MDN1: variants seen among roughly 807,000 people sequenced by gnomAD.
MDN1 encodes the protein midasin.
Under a neutral mutation model 669.2 loss-of-function variants are expected in MDN1, and 266 were observed. The observed-to-expected ratio is 0.40, with a 90% CI of 0.36 to 0.44. The LOEUF is 0.44. Ranked by LOEUF, MDN1 falls within the 20% of genes least tolerant of loss-of-function variation. The probability of loss-of-function intolerance (pLI) is 1.00; values close to 1 mark genes in which losing one functional copy is unlikely to be tolerated. For synonymous variants in MDN1, 2,385 were observed against 2,457.1 expected (o/e 0.97, Z 0.87); for missense variants, 5,940 against 6,754.0 (o/e 0.88, Z 4.22).
At chr6:89,816,775 C>T (rs1017762385) in intron 1 of MDN1, among the ~76,000 whole-genome samples, 3 of 150,918 alleles carry the variant, frequency 2.0e-5, no homozygotes, top group Non-Finnish European at 4.4e-5. Context: ...CCCGGGTTCA[C>T]GCCATTCTCC....
intron 15 of MDN1, among the ~76,000 whole-genome samples, chr6:89,763,278 G>C (rs1264827144): frequency 6.7e-6 from 1 of 149,002 alleles, no homozygotes; most frequent in East Asian, 1.9e-4. Flanking sequence ...CGAAGAGTAG[G>C]AGAGAGCAAC....
At chr6:89,700,976 A>T (rs1272853631) in intron 55 of MDN1, 120 bp from the exon 56 acceptor site, 2 of 887,398 alleles carry the variant, frequency 2.3e-6, no homozygotes, top group Non-Finnish European at 3.4e-6. Flanking sequence ...AAAACAAAGG[A>T]CTTGTTTATT....
At chr6:89,758,695 G>C in intron 18 of MDN1, 121 bp downstream of exon 18, 1 of 1,076,698 alleles carries the variant, frequency 9.3e-7, no homozygotes, top group Non-Finnish European at 1.3e-6. Flanking sequence ...AATATCTAAA[G>C]AATGAACAAA....
intron 15 of MDN1, among the ~76,000 whole-genome samples, chr6:89,765,016 G>C (rs533952944): frequency 6.6e-6 from 1 of 152,264 alleles, no homozygotes; most frequent in Non-Finnish European, 1.5e-5. Flanking sequence ...CAGCACTTTG[G>C]GAGGCAGAGG....
intron 74 of MDN1, among the ~76,000 whole-genome samples, chr6:89,679,477 G>C (rs1413139779): frequency 3.9e-5 from 6 of 152,190 alleles, no homozygotes; most frequent in Admixed American, 3.9e-4. Context: ...CCAACCCCTA[G>C]AACTTCAGAA....
At chr6:89,658,424 G>A in intron 89 of MDN1, 54 bp from the exon 90 acceptor site, 1 of 1,605,714 alleles carries the variant, frequency 6.2e-7, no homozygotes, top group Non-Finnish European at 8.5e-7. Context: ...ACAGCATAAG[G>A]TGGGAGACCT....
chr6:89,741,044 C>T (rs1002021540), intron 31 of MDN1, among the ~76,000 whole-genome samples: 11 of 103,024 alleles, frequency 1.1e-4, no homozygotes, highest in Non-Finnish European at 2.1e-4. Flanking sequence ...CCAACCTGGC[C>T]AAGATGGTGA....
chr6:89,657,790 G>C (rs1296280972), intron 90 of MDN1, among the ~76,000 whole-genome samples: 1 of 152,196 alleles, frequency 6.6e-6, no homozygotes, highest in Non-Finnish European at 1.5e-5. Flanking sequence ...ATGTGCACTG[G>C]TGGTCCTGTA....
At position 89,658,828 on chromosome 6, in the gene MDN1, T is replaced by G. The variant is rs1225314196; in HGVS notation, c.14803A>C (p.Ser4935Arg). ...RGETETDQNESQSPQEPEEGP... is the reference protein window; with the variant it reads ...RGETETDQNERQSPQEPEEGP... ...TCCTCAGGCTCCTGTGGACTCTGAC[T>G]TTCGTTCTGGTCGGTCTCGGTCTCT... is the stretch of plus-strand genomic sequence containing the variant. Residue 4935 changes from serine to arginine, a missense_variant, in exon 89 of 102, where the codon AGT becomes CGT. By Grantham distance (110) the Ser-to-Arg change is moderately radical. Transcript: ENST00000369393. 6.2e-7 allele frequency: 1 copy of G among 1,614,224 alleles called. No individual in the cohort carries two copies. The highest frequency in any genetic ancestry group is 1.7e-5 in the Admixed American group (1 of 60,022).
chr6:89,730,054 A>C (rs1053341603), intron 35 of MDN1, among the ~76,000 whole-genome samples: 3 of 152,084 alleles, frequency 2.0e-5, no homozygotes, highest in African/African-American at 7.2e-5. Flanking sequence ...GAAACAGATG[A>C]CTCTGCTACA....
At chr6:89,768,414 C>A (rs962448294) in intron 15 of MDN1, among the ~76,000 whole-genome samples, 1 of 152,188 alleles carries the variant, frequency 6.6e-6, no homozygotes, top group Non-Finnish European at 1.5e-5. Flanking sequence ...TTTGCTCCTC[C>A]TTGTCTTGTG....
At position 89,700,028 on chromosome 6, in the gene MDN1, T is replaced by C. The variant is rs754893688; in HGVS notation, c.8870+35A>G. ...TACACAGAATAATCAAGAAAAAAAGTTCCCGCAAGGAAAACAACTGAAAGC... is the reference window on the plus strand; with the variant it reads ...TACACAGAATAATCAAGAAAAAAAGCTCCCGCAAGGAAAACAACTGAAAGC... On this transcript the variant is annotated intron_variant, in intron 57 of 101. Transcript: ENST00000369393. 28 of 1,589,026 alleles carry C rather than the reference T, an allele frequency of 1.8e-5. No individual in the cohort carries two copies. In the South Asian group the frequency reaches 3.1e-4, roughly 18 times the overall value.
Position 89,672,575 on chromosome 6 carries a change from A to G in MDN1, c.13602T>C (p.Thr4534=), listed in dbSNP as rs780704137. 9.9e-6 allele frequency: 16 copies of G among 1,613,864 alleles called. No individual in the cohort carries two copies. Among genetic ancestry groups the G allele is most frequent in the Non-Finnish European group, 1.3e-5 (15 of 1,179,968 alleles). ...ERKNEKAEEN[T]DQASPQEDYA... is the part of the protein sequence containing the mutation. Reference sequence around the variant, plus strand: ...AATCTTCTTGTGGGCTTGCTTGGTCAGTGTTCTCCTCTGCTTTTTCATTCT... The same window carrying G: ...AATCTTCTTGTGGGCTTGCTTGGTCGGTGTTCTCCTCTGCTTTTTCATTCT... The change falls in exon 81 of 102, where the codon ACT becomes ACC. Residue 4534 remains threonine, a synonymous_variant. Transcript: ENST00000369393.
rs1483498705 is a variant in MDN1 at position 89,756,377 on chromosome 6, A to G, written c.2716T>C (p.Tyr906His). The G allele has an allele frequency of 1.3e-6, 2 of 1,557,604 alleles. No homozygotes were observed. The highest frequency in any genetic ancestry group is 8.8e-7 in the Non-Finnish European group (1 of 1,137,854). Residue 906 changes from tyrosine to histidine, a missense_variant, in exon 20 of 102, where the codon TAT becomes CAT. Physicochemically the swap from Tyr to His is moderately conservative, Grantham distance 83. Coordinates refer to ENST00000369393, the MANE Select transcript of MDN1 (RefSeq NM_014611.3). ...TCTTTGCTTTCTAATTCTTCTACAT[A>G]AAGTTCTGTGAACCTGTAAAACAAT... ...PGIRNRFTEL[Y>H]VEELESKEDL...
In MDN1 at chr6:89,692,766, G is replaced by C. The variant is rs752172776; in HGVS notation, c.10264C>G (p.Leu3422Val). ...RLVASELHTS[L>V]HSSMVGADRL... ...TCTGCACCAACCATACTGCTGTGGA[G>C]TGAGGTGTGGAGCTCAGAGGCCACC... Residue 3422 changes from leucine to valine, a missense_variant, in exon 63 of 102, where the codon CTC (leucine) becomes GTC (valine). Transcript: ENST00000369393. 3 of 1,614,072 alleles carry C rather than the reference G, an allele frequency of 1.9e-6. No homozygotes were observed. Among genetic ancestry groups the C allele is most frequent in the Admixed American group, 3.3e-5 (2 of 60,022 alleles).
At position 89,673,397 on chromosome 6, in the gene MDN1, C is replaced by T; in HGVS notation, c.13313G>A (p.Gly4438Asp). 1 of 1,614,156 alleles carries T rather than the reference C, an allele frequency of 6.2e-7. No homozygotes were observed. The highest frequency in any genetic ancestry group is 8.5e-7 in the Non-Finnish European group (1 of 1,180,022). Reference protein sequence around the residue: ...CLSQVSVHLQGLESLFILPGM... With the variant: ...CLSQVSVHLQDLESLFILPGM... Reference sequence around the variant, plus strand: ...TGGAAGAATGAACAAGGACTCTAGGCCCTGCAAATGAACTGACACCTGGGA... The same window carrying T: ...TGGAAGAATGAACAAGGACTCTAGGTCCTGCAAATGAACTGACACCTGGGA... Residue 4438 changes from glycine (G) to aspartate (D), a missense_variant, in exon 80 of 102, where the codon GGC becomes GAC. Around this residue, in one of 5 missense-constraint regions of MDN1, gnomAD observed 2,280 missense variants for 2,576.3 expected, o/e 0.88. Coordinates refer to ENST00000369393, the MANE Select transcript of MDN1 (RefSeq NM_014611.3).
At position 89,713,279 on chromosome 6, in the gene MDN1, C is replaced by T. The variant is rs752902220; in HGVS notation, c.7087G>A (p.Val2363Ile). 6.8e-6 allele frequency: 11 copies of T among 1,612,118 alleles called. No individual in the cohort carries two copies. The highest frequency in any genetic ancestry group is 3.3e-5 in the South Asian group (3 of 90,914). ...STVVGSPTSS[V>I]STLIQTAILI... is the part of the protein sequence containing the mutation. Reference sequence around the variant, plus strand: ...ATGGCTGTCTGGATTAGAGTTGATACAGAAGATGTTGGAGAACCTATTAAA... The same window carrying T: ...ATGGCTGTCTGGATTAGAGTTGATATAGAAGATGTTGGAGAACCTATTAAA... The change falls in exon 47 of 102, where the codon GTA becomes ATA. Residue 2363 changes from valine (V) to isoleucine (I), a missense_variant. By Grantham distance (29) the Val-to-Ile change is conservative. Coordinates refer to ENST00000369393, the MANE Select transcript of MDN1 (RefSeq NM_014611.3).
Position 89,658,849 on chromosome 6 carries a change from T to A in MDN1, c.14782A>T (p.Thr4928Ser), listed in dbSNP as rs1481873198. 6 of 1,614,246 alleles carry A rather than the reference T, an allele frequency of 3.7e-6. No homozygotes were observed. The highest frequency in any genetic ancestry group is 4.2e-6 in the Non-Finnish European group (5 of 1,180,046). Residue 4928 changes from threonine (T) to serine (S), a missense_variant, in exon 89 of 102, where the codon ACC becomes TCC. By Grantham distance (58) the Thr-to-Ser change is moderately conservative (BLOSUM62 1). Coordinates refer to ENST00000369393, the MANE Select transcript of MDN1 (RefSeq NM_014611.3). ...TGACTTTCGTTCTGGTCGGTCTCGG[T>A]CTCTCCTCTTTCCTCAGCTTCATGA... is the stretch of plus-strand genomic sequence containing the variant. ...AGHEAEERGETETDQNESQSP... is the reference protein window; with the variant it reads ...AGHEAEERGESETDQNESQSP...
chr6:89,716,073 C>A (rs189958272), intron 44 of MDN1, among the ~76,000 whole-genome samples: 15 of 152,284 alleles, frequency 9.9e-5, no homozygotes, highest in African/African-American at 2.9e-4. Flanking sequence ...TCCTGCCCCC[C>A]ATCCCTCAAC....
Sources: allele counts gnomAD v4.1 joint callset (sites outside exome capture counted in the v4.1 genomes callset), GRCh38; gene constraint gnomAD v4.1.1; regional missense constraint gnomAD v4.1.1; transcripts MANE v1.5; gene names NCBI Gene and HGNC (gene_info 2026-07-23, HGNC 2026-07-21).